Variants in BRCA1 observed in about 807,000 individuals in gnomAD.
The protein encoded by BRCA1 is breast cancer type 1 susceptibility protein.
Under a neutral mutation model 173.7 loss-of-function variants are expected in BRCA1, and 140 were observed. The observed-to-expected ratio is 0.81, with a 90% confidence interval of 0.70 to 0.93. The LOEUF (loss-of-function observed/expected upper bound fraction) is 0.93, where lower values mean the gene tolerates loss of function less well. Among genes scored for constraint, BRCA1 ranks in the 40% least tolerant of loss-of-function variants. The probability of loss-of-function intolerance (pLI) is 0.00; values close to 1 mark genes in which losing one functional copy is unlikely to be tolerated. For missense variants in BRCA1, 1,983 were observed against 2,172.5 expected, an observed-to-expected ratio of 0.91 and a Z score of 1.73; for synonymous variants, 662 against 756.0, an observed-to-expected ratio of 0.88 and a Z score of 2.04.
chr17:43,159,268 G>C (rs576093009), intron 1 of BRCA1, among the ~76,000 whole-genome samples: 1 of 152,360 alleles, frequency 6.6e-6, no homozygotes, highest in East Asian at 1.9e-4. Flanking sequence ...GCATTTCACT[G>C]TATGTAAATT....
At position 43,170,152 on chromosome 17, in the gene BRCA1, C is replaced by G. The variant is rs191617044; in HGVS notation, c.-46G>C. On this transcript the variant is annotated 5_prime_UTR_variant, in exon 1 of 8. Transcript: ENST00000634433. The stretch of plus-strand genomic sequence containing the variant: ...GGATGAAGTGAGGGTCTCACCCCAA[C>G]GCGGCCTTAGCTTCCTCGGAAGGAC... 3.1e-5 allele frequency: 7 copies of G among 225,484 alleles called. No homozygotes were observed. The Admixed American group carries it at 3.5e-4, about 11-fold the overall frequency. 14.0% of individuals were successfully genotyped at this position (225,484 alleles called of 1,614,324 possible). A position where few individuals can be genotyped will look rare whatever the true frequency, so the allele number is the denominator to read the frequency against.
At chr17:43,166,571 C>T (rs2056269840) in intron 1 of BRCA1, 1 of 152,108 alleles carries the variant, frequency 6.6e-6, no homozygotes, top group Non-Finnish European at 1.5e-5. Context: ...CAACATAGTT[C>T]CTAGTGGGGT....
At chr17:43,055,639 A>G (rs2051426118) in intron 19 of BRCA1, among the ~76,000 whole-genome samples, 1 of 152,186 alleles carries the variant, frequency 6.6e-6, no homozygotes, top group African/African-American at 2.4e-5. Context: ...ACAAAAAACT[A>G]TCTCGGTGTG....
intron 17 of BRCA1, 36 bp from the exon 18 acceptor site, chr17:43,063,409 C>T (rs2153570228): frequency 6.4e-7 from 1 of 1,556,972 alleles, no homozygotes; most frequent in Non-Finnish European, 8.9e-7. Context: ...TTACATACAG[C>T]AGAAGAACGT....
intron 1 of BRCA1, among the ~76,000 whole-genome samples, chr17:43,158,818 A>G (rs2056214061): frequency 6.6e-6 from 1 of 152,242 alleles, no homozygotes; most frequent in Admixed American, 6.5e-5. Context: ...TACATTACAT[A>G]GAAGGTCAGC....
intron 11 of BRCA1, among the ~76,000 whole-genome samples, chr17:43,087,327 T>C (rs1214420114): frequency 2.0e-5 from 3 of 152,178 alleles, no homozygotes; most frequent in African/African-American, 4.8e-5. Context: ...ACTGGAAAGA[T>C]AGAATCCCAT....
At chr17:43,056,560 C>T (rs957669111) in intron 19 of BRCA1, among the ~76,000 whole-genome samples, 6 of 151,892 alleles carry the variant, frequency 4.0e-5, no homozygotes, top group African/African-American at 1.2e-4. Flanking sequence ...GAGGCCAAGG[C>T]GGGAGGATCA....
chr17:43,052,075 T>C (rs1202492009), intron 19 of BRCA1, among the ~76,000 whole-genome samples: 3 of 152,130 alleles, frequency 2.0e-5, no homozygotes, highest in Non-Finnish European at 4.4e-5. Context: ...ATTGAACTAG[T>C]CTGACTACCT....
intron 1 of BRCA1, among the ~76,000 whole-genome samples, chr17:43,140,724 C>A (rs746314597): frequency 6.6e-6 from 1 of 152,300 alleles, no homozygotes; most frequent in African/African-American, 2.4e-5. Context: ...AGATGTCCGG[C>A]CCTCTCCCTA....
intron 3 of BRCA1, among the ~76,000 whole-genome samples, chr17:43,109,766 C>T (rs948265846): frequency 1.3e-4 from 20 of 152,064 alleles, no homozygotes; most frequent in Non-Finnish European, 1.5e-5. Context: ...AGGAAATTCC[C>T]TTATGATAGT....
At position 43,085,298 on chromosome 17, in the gene BRCA1, T is replaced by G. The variant is rs1449521619; in HGVS notation, c.4186-2723A>C. On this transcript the variant is annotated intron_variant, in intron 11 of 22. Coordinates refer to ENST00000357654, the MANE Select transcript of BRCA1 (RefSeq NM_007294.4). Reference sequence around the variant, plus strand: ...ATCACTTGAACCCAGGTGGCGGAAGTGCAGTGAGCTGAGATCGTGCCACGG... The same window carrying G: ...ATCACTTGAACCCAGGTGGCGGAAGGGCAGTGAGCTGAGATCGTGCCACGG... 3.3e-5 allele frequency among the ~76,000 whole-genome samples: 5 copies of G among 151,666 alleles called. No individual in the cohort carries two copies. The Middle Eastern group carries it at 0.01, about 310-fold the overall frequency.
chr17:43,128,082 G>A (rs138674462), upstream of BRCA1, among the ~76,000 whole-genome samples: 593 of 142,942 alleles, frequency 4.1e-3, 4 homozygotes, highest in Non-Finnish European at 7.0e-3. Context: ...GCAGCAACCC[G>A]CTCTGGTCTC....
chr17:43,125,224 C>T (rs1222031799), intron 1 of BRCA1, 47 bp downstream of exon 1: 2 of 455,940 alleles, frequency 4.4e-6, no homozygotes, highest in African/African-American at 4.0e-5. Context: ...CGCCAGTACC[C>T]CAGAGCATCA....
At chr17:43,168,791 T>C (rs897600864) in intron 1 of BRCA1, among the ~76,000 whole-genome samples, 3 of 152,250 alleles carry the variant, frequency 2.0e-5, no homozygotes, top group Non-Finnish European at 2.9e-5. Flanking sequence ...TTTGGGTCTT[T>C]TCCTTTCTCC....
intron 21 of BRCA1, among the ~76,000 whole-genome samples, chr17:43,048,815 G>A (rs2051055173): frequency 1.3e-5 from 2 of 151,892 alleles, no homozygotes; most frequent in South Asian, 4.1e-4. Flanking sequence ...ACCATGCCCA[G>A]CCTCCAGCCC....
At chr17:43,129,622 C>G (rs1419834159), upstream of BRCA1, among the ~76,000 whole-genome samples, 1 of 152,110 alleles carries the variant, frequency 6.6e-6, no homozygotes, top group East Asian at 1.9e-4. Flanking sequence ...TACAGGCACC[C>G]GCCATCACGC....
At chr17:43,054,082 T>G (rs933519165) in intron 19 of BRCA1, among the ~76,000 whole-genome samples, 4 of 152,162 alleles carry the variant, frequency 2.6e-5, no homozygotes, top group African/African-American at 9.7e-5. Context: ...TTTGACCACA[T>G]ACTTTCCATC....
chr17:43,125,369 T>C (rs2154580269), upstream of BRCA1: 1 of 415,594 alleles, frequency 2.4e-6, no homozygotes. Context: ...CTCAGCGAGC[T>C]CACGCCGCGC....
intron 11 of BRCA1, among the ~76,000 whole-genome samples, chr17:43,085,946 G>A (rs1395951649): frequency 2.0e-5 from 3 of 152,126 alleles, no homozygotes; most frequent in Non-Finnish European, 1.5e-5. Context: ...GATACAAGCT[G>A]AAGTCTTAGC....
Sources: gnomAD v4.1 joint callset for allele counts (sites outside exome capture counted in the v4.1 genomes callset) on GRCh38, gnomAD v4.1.1 for gene constraint, MANE v1.5 for transcripts, NCBI Gene and HGNC (gene_info 2026-07-23, HGNC 2026-07-21) for gene names.